Variants in GMCL1 observed in about 807,000 individuals in gnomAD.
GMCL1 encodes germ cell-less 1, spermatogenesis associated.
Under a neutral mutation model 75.5 loss-of-function variants are expected in GMCL1, and 54 were observed. That is an observed-to-expected ratio of 0.71 (90% CI 0.57 to 0.90). The LOEUF is 0.90. GMCL1 is among the 40% of genes least tolerant of loss of function. The pLI, the probability that GMCL1 is intolerant of heterozygous loss-of-function variation, is 0.00. For missense variants in GMCL1, 537 were observed against 622.7 expected (o/e 0.86, Z 1.47); for synonymous variants, 210 against 209.6 (o/e 1.00, Z -0.02).
chr2:69,843,080 T>C, intron 4 of GMCL1, 69 bp from the exon 5 acceptor site: 5 of 673,326 alleles, frequency 7.4e-6, no homozygotes, highest in South Asian at 2.3e-5. Flanking sequence ...CTTTTTAATA[T>C]GTAAAAGCTG....
rs192658321 is a variant in GMCL1, at chr2:69,869,023, C to T, written c.1219-696C>T. On this transcript the variant is annotated intron_variant, in intron 11 of 13. Transcript: ENST00000282570. ...GTCCCAGCACTTTGGGAGGCCGAGG[C>T]GGGCGGATCACCTGAGGTCGGGAGT... Among the ~76,000 whole-genome samples, 1,140 of 151,594 alleles carry T rather than the reference C, an allele frequency of 7.5e-3. 14 individuals carry two copies. The highest frequency in any genetic ancestry group is 0.025 in the African/African-American group (1,053 of 41,360).
rs1428733415 is a variant in GMCL1, at chr2:69,879,051, T to C, written c.*47T>C. ...TCCAGAAAACTGAAGATTTCATCAG[T>C]TGGAAACAGTAGCACTTTGAAAACT... On this transcript the variant is annotated 3_prime_UTR_variant, in exon 14 of 14. Coordinates refer to ENST00000282570, the MANE Select transcript of GMCL1 (RefSeq NM_178439.5). 2 of 1,238,504 alleles carry C rather than the reference T, an allele frequency of 1.6e-6. No individual in the cohort carries two copies. Among genetic ancestry groups the C allele is most frequent in the Admixed American group, 1.8e-5 (1 of 54,642 alleles). The allele number at this position is 1,238,504 out of a possible 1,614,324, so 76.7% of individuals were successfully genotyped here.
chr2:69,860,441 A>G (rs1158531179), intron 9 of GMCL1, among the ~76,000 whole-genome samples: 1 of 152,040 alleles, frequency 6.6e-6, no homozygotes, highest in Non-Finnish European at 1.5e-5. Flanking sequence ...TTTAATTTTT[A>G]TGTTATCTAA....
At position 69,854,837 on chromosome 2, in the gene GMCL1, G is replaced by T. The variant is rs746302368; in HGVS notation, c.949G>T (p.Ala317Ser). Residue 317 changes from alanine to serine, a missense_variant, in exon 9 of 14, where the codon GCC becomes TCC. This residue lies in a region of GMCL1 where 345 missense variants were observed against 410.5 expected (regional missense o/e 0.84). Coordinates refer to ENST00000282570, the MANE Select transcript of GMCL1 (RefSeq NM_178439.5). Reference protein sequence around the residue: ...SKQRKDFEGMAFLETEQGKPF... With the variant: ...SKQRKDFEGMSFLETEQGKPF... ...GTTTTTTATAGATTTTGAAGGTATGGCCTTTCTTGAAACTGAACAAGGAAA... is the reference window on the plus strand; with the variant it reads ...GTTTTTTATAGATTTTGAAGGTATGTCCTTTCTTGAAACTGAACAAGGAAA... 4 of 1,608,836 alleles carry T rather than the reference G, an allele frequency of 2.5e-6. No homozygotes were observed. Among genetic ancestry groups the T allele is most frequent in the Non-Finnish European group, 3.4e-6 (4 of 1,178,346 alleles).
intron 12 of GMCL1, among the ~76,000 whole-genome samples, chr2:69,871,325 T>C (rs1675975634): frequency 6.6e-6 from 1 of 152,064 alleles, no homozygotes; most frequent in Admixed American, 6.6e-5. Flanking sequence ...GACAAATTCA[T>C]AGGTACAGAG....
intron 1 of GMCL1, among the ~76,000 whole-genome samples, chr2:69,831,695 C>T (rs1674677072): frequency 6.6e-6 from 1 of 152,168 alleles, no homozygotes; most frequent in Non-Finnish European, 1.5e-5. Context: ...CTACCTCGAC[C>T]TCACAGAATC....
chr2:69,872,257 T>C (rs539858196), intron 13 of GMCL1, among the ~76,000 whole-genome samples: 4 of 152,326 alleles, frequency 2.6e-5, no homozygotes, highest in Admixed American at 2.6e-4. Flanking sequence ...CATTATTCTC[T>C]AGCCCATTAG....
intron 6 of GMCL1, among the ~76,000 whole-genome samples, chr2:69,845,244 C>T (rs1016547075): frequency 6.6e-6 from 1 of 152,230 alleles, no homozygotes; most frequent in South Asian, 2.1e-4. Flanking sequence ...AGACGCAGCA[C>T]AGCGCAGAGC....
In GMCL1 at chr2:69,861,398, T is replaced by A. The variant is rs373664797; in HGVS notation, c.1142+51T>A. The A allele has an allele frequency of 1.2e-3, 1,317 of 1,123,246 alleles. 18 individuals carry two copies. The African/African-American group carries it at 0.018, about 16-fold the overall frequency. The allele number at this position is 1,123,246 out of a possible 1,614,324, so 69.6% of individuals were successfully genotyped here. A position where few individuals can be genotyped will look rare whatever the true frequency, so the allele number is the denominator to read the frequency against. The stretch of plus-strand genomic sequence containing the variant: ...TTCATTAAAAAAATTTGCTATGAAT[T>A]TTTTAATGCATTCATTATGTTGAAA... On this transcript the variant is annotated intron_variant, in intron 10 of 13. Transcript: ENST00000282570.
chr2:69,861,922 A>G (rs1675660935), intron 10 of GMCL1, among the ~76,000 whole-genome samples: 1 of 152,128 alleles, frequency 6.6e-6, no homozygotes, highest in Non-Finnish European at 1.5e-5. Flanking sequence ...GTCTCTACTA[A>G]ACCCTGGAAG....
At chr2:69,853,130 A>G (rs1015004374) in intron 8 of GMCL1, among the ~76,000 whole-genome samples, 2 of 152,248 alleles carry the variant, frequency 1.3e-5, no homozygotes, top group Admixed American at 1.3e-4. Flanking sequence ...CTATGAGACA[A>G]TCCAGAATTA....
chr2:69,831,868 A>G (rs1024679308), intron 1 of GMCL1, among the ~76,000 whole-genome samples: 16 of 152,196 alleles, frequency 1.1e-4, no homozygotes, highest in Non-Finnish European at 1.8e-4. Context: ...TTGACCTCCC[A>G]AAGTGTTGGG....
chr2:69,837,202 A>G (rs1049233593), intron 1 of GMCL1, among the ~76,000 whole-genome samples: 1 of 152,238 alleles, frequency 6.6e-6, no homozygotes, highest in African/African-American at 2.4e-5. Flanking sequence ...GAAATAAGCA[A>G]AAAATCAACA....
Position 69,879,000 on chromosome 2 carries a change from A to G in GMCL1, c.1544A>G (p.Asn515Ser), listed in dbSNP as rs1255790870. ...TTGTATATATCACCAGAAAAAAAGA[A>G]TTGAAAATAATCGTCACCCAGAAAA... The part of the protein sequence containing the change: ...NFLYISPEKK[N>S] The change falls in exon 14 of 14, where the codon AAT (asparagine) becomes AGT (serine). Residue 515 changes from asparagine to serine, a missense_variant. Physicochemically the swap from Asn to Ser is conservative, Grantham distance 46. Transcript: ENST00000282570. 6.4e-7 allele frequency: 1 copy of G among 1,564,322 alleles called. No individual in the cohort carries two copies. The highest frequency in any genetic ancestry group is 1.7e-5 in the Admixed American group (1 of 58,910).
rs368796888 is a variant in GMCL1 at position 69,874,269 on chromosome 2, A to G, written c.1452+2437A>G. The stretch of plus-strand genomic sequence containing the variant: ...ATTTATACTTCCCCCTGGCAGCAGT[A>G]CAGGAGAGTATACCCAATATTGTAT... On this transcript the variant is annotated intron_variant, in intron 13 of 13. Coordinates refer to ENST00000282570, the MANE Select transcript of GMCL1 (RefSeq NM_178439.5). Among the ~76,000 whole-genome samples, 7 of 152,214 alleles carry G rather than the reference A, an allele frequency of 4.6e-5. No homozygotes were observed. The East Asian group carries it at 1.2e-3, about 25-fold the overall frequency.
rs35609593 is a variant in GMCL1 at position 69,869,249 on chromosome 2, C to CA, written c.1219-451dup. Among the ~76,000 whole-genome samples the CA allele has an allele frequency of 8.6e-3, 680 of 79,278 alleles. 11 individuals carry two copies. Among genetic ancestry groups the CA allele is most frequent in the African/African-American group, 0.022 (448 of 20,654 alleles). 52.0% of individuals were successfully genotyped at this position (79,278 alleles called of 152,430 possible). ...GGGCAACTAGAGCAAACCTCTGTCT[C>CA]AAAAAAAAAAAAAAAAAAATTAGCC... On this transcript the variant is annotated intron_variant, in intron 11 of 13. Transcript: ENST00000282570.
intron 6 of GMCL1, chr2:69,844,451 T>G: frequency 3.9e-6 from 1 of 255,154 alleles, no homozygotes; most frequent in Non-Finnish European, 7.4e-6. Flanking sequence ...ATAGAAAAGT[T>G]TCAGGTTTTG....
chr2:69,841,081 T>C, intron 4 of GMCL1, 42 bp downstream of exon 4: 1 of 1,432,108 alleles, frequency 7.0e-7, no homozygotes, highest in Non-Finnish European at 9.8e-7. Flanking sequence ...AGAATAATAA[T>C]CTTTGTCTCA....
intron 4 of GMCL1, among the ~76,000 whole-genome samples, chr2:69,841,777 C>G (rs1674994803): frequency 6.6e-6 from 1 of 152,114 alleles, no homozygotes. Context: ...CACACAGAGT[C>G]TTGAAAGTGT....
Sources: gnomAD v4.1 joint callset for allele counts (sites outside exome capture counted in the v4.1 genomes callset) on GRCh38, gnomAD v4.1.1 for gene constraint, gnomAD v4.1.1 regional missense constraint, MANE v1.5 for transcripts, NCBI Gene and HGNC (gene_info 2026-07-23, HGNC 2026-07-21) for gene names.